Variants in LMCD1 observed in about 807,000 individuals in gnomAD.
LMCD1 encodes the protein LIM and cysteine-rich domains protein 1.
LMCD1 carries 32 observed loss-of-function variants against 42.7 expected under a neutral mutation model. The ratio of observed to expected loss-of-function variants is 0.75; its 90% CI spans 0.57 to 1.01. The LOEUF (loss-of-function observed/expected upper bound fraction) is 1.01. Among genes scored for constraint, LMCD1 ranks in the 50% least tolerant of loss-of-function variants. LMCD1 has a pLI of 0.00. For missense variants in LMCD1, 458 were observed against 483.1 expected, an observed-to-expected ratio of 0.95 and a Z score of 0.49; for synonymous variants, 178 against 184.9, an observed-to-expected ratio of 0.96 and a Z score of 0.30.
At chr3:8,561,945 C>T (rs527545947) in intron 4 of LMCD1, among the ~76,000 whole-genome samples, 1 of 152,174 alleles carries the variant, frequency 6.6e-6, no homozygotes, top group South Asian at 2.1e-4. Context: ...TGTCAAGTTC[C>T]CATTCTTTAG....
At chr3:8,526,213 C>G (rs1200740891) in intron 1 of LMCD1, among the ~76,000 whole-genome samples, 1 of 152,202 alleles carries the variant, frequency 6.6e-6, no homozygotes, top group Non-Finnish European at 1.5e-5. Context: ...CTTCCTAGCA[C>G]TGATTCCATT....
chr3:8,504,815 G>A (rs1018031012), intron 1 of LMCD1, among the ~76,000 whole-genome samples: 3 of 152,210 alleles, frequency 2.0e-5, no homozygotes, highest in African/African-American at 7.2e-5. Context: ...GGGCCTTGAA[G>A]GCCAAATGCC....
At chr3:8,539,734 C>G (rs1415729122) in intron 3 of LMCD1, among the ~76,000 whole-genome samples, 1 of 151,852 alleles carries the variant, frequency 6.6e-6, no homozygotes, top group African/African-American at 2.4e-5. Context: ...TCTGGGCGTC[C>G]AGGGCAAGTC....
chr3:8,509,569 C>A (rs1693954752), intron 1 of LMCD1, among the ~76,000 whole-genome samples: 2 of 152,334 alleles, frequency 1.3e-5, no homozygotes, highest in South Asian at 4.1e-4. Context: ...AAGCTTTGAT[C>A]CCTGCCAAGT....
intron 4 of LMCD1, among the ~76,000 whole-genome samples, chr3:8,557,545 G>A (rs145490927): frequency 6.6e-6 from 1 of 152,252 alleles, no homozygotes; most frequent in Admixed American, 6.5e-5. Flanking sequence ...CTGATTTAGA[G>A]CCTTCTCATA....
At chr3:8,502,849 C>T (rs1044265240) in intron 1 of LMCD1, among the ~76,000 whole-genome samples, 10 of 152,022 alleles carry the variant, frequency 6.6e-5, no homozygotes, top group African/African-American at 2.4e-4. Flanking sequence ...AACATGTGAA[C>T]GGGAAGGGAA....
At chr3:8,535,798 T>A (rs1303098988) in intron 2 of LMCD1, among the ~76,000 whole-genome samples, 2 of 152,228 alleles carry the variant, frequency 1.3e-5, no homozygotes, top group Non-Finnish European at 2.9e-5. Context: ...CTTCTCTTCA[T>A]ATTCAGTAAG....
chr3:8,519,920 G>T (rs1460141473), intron 1 of LMCD1, among the ~76,000 whole-genome samples: 1 of 151,376 alleles, frequency 6.6e-6, no homozygotes. Flanking sequence ...GTGTGTGTGA[G>T]AGAGAGTGTG....
At chr3:8,519,925 A>AGAGAGTGT (rs1553605823) in intron 1 of LMCD1, among the ~76,000 whole-genome samples, 204 of 147,910 alleles carry the variant, frequency 1.4e-3, no homozygotes, top group African/African-American at 4.7e-3. Flanking sequence ...TGTGAGAGAG[A>AGAGAGTGT]GTGTGTGTGT....
intron 4 of LMCD1, among the ~76,000 whole-genome samples, chr3:8,565,214 T>G (rs929890052): frequency 6.6e-6 from 1 of 152,216 alleles, no homozygotes; most frequent in Non-Finnish European, 1.5e-5. Context: ...TGGGAATCAC[T>G]GTGCTAAATA....
intron 4 of LMCD1, among the ~76,000 whole-genome samples, chr3:8,561,264 T>C (rs1695028806): frequency 6.6e-6 from 1 of 152,170 alleles, no homozygotes; most frequent in African/African-American, 2.4e-5. Flanking sequence ...TTTTAGGAGA[T>C]GTGAGCCAAG....
At chr3:8,566,825 G>A (rs1695140340) in intron 5 of LMCD1, among the ~76,000 whole-genome samples, 1 of 152,182 alleles carries the variant, frequency 6.6e-6, no homozygotes, top group African/African-American at 2.4e-5. Context: ...CTTGTGGGAT[G>A]GAAAGTATTT....
intron 4 of LMCD1, among the ~76,000 whole-genome samples, chr3:8,563,260 G>T (rs1695071431): frequency 6.6e-6 from 1 of 152,220 alleles, no homozygotes; most frequent in Non-Finnish European, 1.5e-5. Flanking sequence ...ATTGCCCCTG[G>T]AAGGAGGTCA....
intron 1 of LMCD1, among the ~76,000 whole-genome samples, chr3:8,531,557 A>G (rs1345058849): frequency 1.3e-5 from 2 of 152,310 alleles, no homozygotes; most frequent in East Asian, 3.9e-4. Context: ...TAGGCAGCCA[A>G]TAAGTTACTG....
intron 1 of LMCD1, 101 bp downstream of exon 1, chr3:8,502,081 T>A: frequency 9.7e-7 from 1 of 1,031,510 alleles, no homozygotes; most frequent in Non-Finnish European, 1.4e-6. Context: ...AGAAGGGAAC[T>A]CTTTAAATTC....
Position 8,545,230 on chromosome 3 carries a change from T to C in LMCD1, c.388-3338T>C, listed in dbSNP as rs186301919. ...GATTTTAGACAAGGTTGACTTTTTT[T>C]TTAATTAGGAATGTTGCCCAGGAGG... On this transcript the variant is annotated intron_variant, in intron 3 of 5. Transcript: ENST00000157600. 9.3e-4 allele frequency among the ~76,000 whole-genome samples: 141 copies of C among 152,350 alleles called. 2 individuals are homozygous for C. The highest frequency in any genetic ancestry group is 9.2e-3 in the Admixed American group (141 of 15,294).
At position 8,501,831 on chromosome 3, in the gene LMCD1, C is replaced by T. The variant is rs1020457915; in HGVS notation, c.-108C>T. ...CAGCTGCGCCTGGCTGCGCACAGAG[C>T]TCCCTCCCAGGCCCGCGAACTTGGC... On this transcript the variant is annotated 5_prime_UTR_variant, in exon 1 of 6. Transcript: ENST00000157600. 1 of 932,400 alleles carries T rather than the reference C, an allele frequency of 1.1e-6. No homozygotes were observed. The highest frequency in any genetic ancestry group is 1.6e-6 in the Non-Finnish European group (1 of 613,084). 57.8% of individuals were successfully genotyped at this position (932,400 alleles called of 1,614,324 possible). A position where few individuals can be genotyped will look rare whatever the true frequency, so the allele number is the denominator to read the frequency against.
chr3:8,502,605 C>T (rs1016588181), intron 1 of LMCD1, among the ~76,000 whole-genome samples: 1 of 136,086 alleles, frequency 7.3e-6, no homozygotes, highest in African/African-American at 2.7e-5. Flanking sequence ...CACACACACA[C>T]ACGCACGCAG....
chr3:8,540,659 C>T (rs950755074), intron 3 of LMCD1, among the ~76,000 whole-genome samples: 28 of 152,180 alleles, frequency 1.8e-4, no homozygotes, highest in African/African-American at 6.5e-4. Context: ...GGAAGGCTAT[C>T]ATGAACAGGA....
Sources: gnomAD v4.1 joint callset for allele counts (sites outside exome capture counted in the v4.1 genomes callset) on GRCh38, gnomAD v4.1.1 for gene constraint, MANE v1.5 for transcripts, NCBI Gene and HGNC (gene_info 2026-07-23, HGNC 2026-07-21) for gene names.